Variants in ZBTB20 observed in about 807,000 individuals in gnomAD.
The protein encoded by ZBTB20 is zinc finger and BTB domain containing 20, also known as zinc finger and BTB domain-containing protein 20.
In ZBTB20, 9 loss-of-function variants were observed where a neutral mutation model predicts 56.9. The observed-to-expected ratio is 0.16, with a 90% CI of 0.10 to 0.28. The LOEUF (loss-of-function observed/expected upper bound fraction) is 0.28, where lower values mean the gene tolerates loss of function less well. ZBTB20 is among the 10% of genes least tolerant of loss of function. The pLI is 1.00. For missense variants in ZBTB20, 655 were observed against 1,003.0 expected (o/e 0.65, Z 4.69); for synonymous variants, 417 against 420.7 (o/e 0.99, Z 0.11).
At chr3:114,561,192 ACTT>A in intron 6 of ZBTB20, among the ~76,000 whole-genome samples, 1 of 152,294 alleles carries the variant, frequency 6.6e-6, no homozygotes, top group Admixed American at 6.5e-5. Flanking sequence ...ATGTACAGTT[ACTT>A]CTTCTACTAA....
intron 6 of ZBTB20, among the ~76,000 whole-genome samples, chr3:114,676,029 T>A (rs1475538834): frequency 6.6e-6 from 1 of 151,974 alleles, no homozygotes; most frequent in East Asian, 1.9e-4. Context: ...CACAGAGAGA[T>A]CAGAAACTTG....
intron 3 of ZBTB20, chr3:114,931,406 C>T: frequency 4.4e-6 from 1 of 227,948 alleles, no homozygotes; most frequent in South Asian, 7.5e-5. Flanking sequence ...ACAACAGCAG[C>T]CAGTCCACCA....
In ZBTB20 at chr3:114,902,969, C is replaced by T. The variant is rs1404389279; in HGVS notation, c.-455-2627G>A. 2.0e-5 allele frequency among the ~76,000 whole-genome samples: 3 copies of T among 152,132 alleles called. No homozygotes were observed. In the East Asian group the frequency reaches 5.8e-4, roughly 29 times the overall value. ...CCTGCTGGCCTGTAAACATAATCAG[C>T]AATGCCCTTCTGAGGCCAGTGCTGC... On this transcript the variant is annotated intron_variant, in intron 3 of 11. Transcript: ENST00000675478.
intron 7 of ZBTB20, among the ~76,000 whole-genome samples, chr3:114,495,131 C>A (rs529201100): frequency 6.6e-6 from 1 of 152,310 alleles, no homozygotes; most frequent in Admixed American, 6.5e-5. Flanking sequence ...ATACACAACG[C>A]TCAACAATAT....
intron 7 of ZBTB20, among the ~76,000 whole-genome samples, chr3:114,477,066 C>A (rs2040857207): frequency 6.6e-6 from 1 of 152,136 alleles, no homozygotes; most frequent in Non-Finnish European, 1.5e-5. Context: ...TGTTAGTGTG[C>A]AATAAATGTC....
chr3:114,421,807 A>ATT (rs11376377), intron 7 of ZBTB20, among the ~76,000 whole-genome samples: 86,393 of 147,646 alleles, frequency 0.59, 27,731 homozygotes, highest in Non-Finnish European at 0.74. Flanking sequence ...AAGACTACAG[A>ATT]TTTTTTTTTT....
intron 4 of ZBTB20, among the ~76,000 whole-genome samples, chr3:114,816,556 T>C (rs993481115): frequency 6.6e-6 from 1 of 152,154 alleles, no homozygotes; most frequent in African/African-American, 2.4e-5. Context: ...ATTTTAAGAC[T>C]AAACCTTAGA....
At chr3:114,499,743 C>T (rs2043727220) in intron 7 of ZBTB20, among the ~76,000 whole-genome samples, 1 of 151,390 alleles carries the variant, frequency 6.6e-6, no homozygotes, top group Non-Finnish European at 1.5e-5. Flanking sequence ...TTTTTTTTCC[C>T]CCCGAATACC....
intron 2 of ZBTB20, among the ~76,000 whole-genome samples, chr3:115,047,648 T>C (rs934816428): frequency 6.6e-6 from 1 of 152,208 alleles, no homozygotes; most frequent in Non-Finnish European, 1.5e-5. Flanking sequence ...TTAATAAATG[T>C]AAACAATCTG....
At chr3:114,634,326 A>G (rs1408021845) in intron 6 of ZBTB20, among the ~76,000 whole-genome samples, 1 of 152,208 alleles carries the variant, frequency 6.6e-6, no homozygotes, top group African/African-American at 2.4e-5. Flanking sequence ...AATCCGATGT[A>G]TCCTAACCTA....
In ZBTB20 at chr3:114,627,089, T is replaced by G. The variant is rs572587929; in HGVS notation, c.-295+66439A>C. On this transcript the variant is annotated intron_variant, in intron 6 of 11. Coordinates refer to ENST00000675478, the MANE Select transcript of ZBTB20 (RefSeq NM_001348800.3). ...CAAGCATTATCTTCTCTTATTTCAG[T>G]TACCCACTCTTTTCCAACTCTACTC... Among the ~76,000 whole-genome samples, 30 of 152,326 alleles carry G rather than the reference T, an allele frequency of 2.0e-4. No homozygotes were observed. The South Asian group carries it at 3.9e-3, about 20-fold the overall frequency.
chr3:114,595,041 T>C (rs966747991), intron 6 of ZBTB20, among the ~76,000 whole-genome samples: 74 of 152,358 alleles, frequency 4.9e-4, no homozygotes, highest in African/African-American at 1.7e-3. Context: ...TCTTATTCTT[T>C]CAACCTTCAT....
intron 1 of ZBTB20, among the ~76,000 whole-genome samples, chr3:115,119,537 T>G (rs2084120721): frequency 6.6e-6 from 1 of 152,148 alleles, no homozygotes; most frequent in South Asian, 2.1e-4. Context: ...AAATGTGAGA[T>G]CCAAGGTGCC....
At chr3:114,891,960 T>G (rs574564677) in intron 4 of ZBTB20, among the ~76,000 whole-genome samples, 7 of 152,230 alleles carry the variant, frequency 4.6e-5, no homozygotes, top group South Asian at 2.1e-4. Context: ...GGCAGGAGAA[T>G]TGTTTGAACC....
intron 6 of ZBTB20, among the ~76,000 whole-genome samples, chr3:114,501,193 C>T (rs866369621): frequency 6.6e-6 from 1 of 152,140 alleles, no homozygotes; most frequent in African/African-American, 2.4e-5. Context: ...TGATTTTAAA[C>T]AAAGCTTCTC....
chr3:114,992,805 T>C (rs1167939822), intron 2 of ZBTB20, among the ~76,000 whole-genome samples: 1 of 151,364 alleles, frequency 6.6e-6, no homozygotes, highest in East Asian at 1.9e-4. Context: ...AAAAAAAACA[T>C]AGAAAATGAA....
intron 4 of ZBTB20, among the ~76,000 whole-genome samples, chr3:114,891,295 A>G (rs1195857840): frequency 6.6e-6 from 1 of 152,196 alleles, no homozygotes; most frequent in Admixed American, 6.5e-5. Context: ...CTTAAAAAAA[A>G]TGTTTGTAGC....
chr3:114,982,060 T>TA (rs1258789291), intron 2 of ZBTB20, among the ~76,000 whole-genome samples: 2 of 151,972 alleles, frequency 1.3e-5, no homozygotes, highest in Non-Finnish European at 2.9e-5. Flanking sequence ...TGCCAAAAAT[T>TA]AAAAAACTAA....
At chr3:114,963,378 G>A (rs2077526478) in intron 3 of ZBTB20, among the ~76,000 whole-genome samples, 1 of 152,128 alleles carries the variant, frequency 6.6e-6, no homozygotes, top group African/African-American at 2.4e-5. Context: ...TAGTGCCACT[G>A]TGTACTGTAT....
Sources: allele counts gnomAD v4.1 joint callset (sites outside exome capture counted in the v4.1 genomes callset), GRCh38; gene constraint gnomAD v4.1.1; transcripts MANE v1.5; gene names NCBI Gene and HGNC (gene_info 2026-07-23, HGNC 2026-07-21).